CSMD2: variants seen among roughly 807,000 people sequenced by gnomAD.
CSMD2 encodes CUB and sushi domain-containing protein 2.
CSMD2 carries 130 observed loss-of-function variants against 398.5 expected under a neutral mutation model. That is an observed-to-expected ratio of 0.33 (90% CI 0.28 to 0.38). The LOEUF (loss-of-function observed/expected upper bound fraction) is 0.38, where lower values mean the gene tolerates loss of function less well. Among genes scored for constraint, CSMD2 ranks in the 10% least tolerant of loss-of-function variants. CSMD2 has a pLI of 1.00. For synonymous variants in CSMD2, 1,828 were observed against 1,908.5 expected, an observed-to-expected ratio of 0.96 and a Z score of 1.10; for missense variants, 3,829 against 4,764.9, an observed-to-expected ratio of 0.80 and a Z score of 5.78.
At chr1:33,744,590 A>T (rs1051146211) in intron 13 of CSMD2, among the ~76,000 whole-genome samples, 2 of 152,212 alleles carry the variant, frequency 1.3e-5, no homozygotes, top group African/African-American at 4.8e-5. Context: ...TGAGAAAACA[A>T]ATAAATACTA....
chr1:34,030,812 T>G (rs1025693549), intron 3 of CSMD2, among the ~76,000 whole-genome samples: 3 of 152,134 alleles, frequency 2.0e-5, no homozygotes, highest in African/African-American at 7.2e-5. Flanking sequence ...AGTTCCCCCA[T>G]GTGTCAGTCA....
chr1:33,628,067 C>G (rs763827998), intron 32 of CSMD2, among the ~76,000 whole-genome samples: 131 of 152,308 alleles, frequency 8.6e-4, no homozygotes, highest in Non-Finnish European at 1.4e-3. Flanking sequence ...AAACTCTCAG[C>G]AGATGTTCAG....
intron 25 of CSMD2, among the ~76,000 whole-genome samples, chr1:33,667,207 ATGAG>A (rs1293363809): frequency 1.1e-4 from 16 of 152,192 alleles, no homozygotes; most frequent in Non-Finnish European, 1.5e-5. Flanking sequence ...AACTGAATGA[ATGAG>A]TGAGTGAATC....
chr1:33,660,391 C>G (rs1571125975), intron 26 of CSMD2, among the ~76,000 whole-genome samples: 1 of 152,082 alleles, frequency 6.6e-6, no homozygotes, highest in African/African-American at 2.4e-5. Context: ...GCAAAGCACC[C>G]GGGGAAAGGC....
At chr1:33,680,688 T>C (rs770584585) in intron 25 of CSMD2, among the ~76,000 whole-genome samples, 14 of 152,020 alleles carry the variant, frequency 9.2e-5, no homozygotes, top group Non-Finnish European at 1.9e-4. Context: ...TCTCCCCCCA[T>C]TCTCTTTTCC....
chr1:33,884,543 C>T (rs1169718143), intron 5 of CSMD2: 1 of 152,302 alleles, frequency 6.6e-6, no homozygotes, highest in African/African-American at 2.4e-5. Context: ...CTCTCAGTCT[C>T]CACTAATACT....
intron 8 of CSMD2, 110 bp from the exon 9 acceptor site, chr1:33,819,947 C>T: frequency 7.3e-7 from 1 of 1,377,442 alleles, no homozygotes; most frequent in Admixed American, 2.1e-5. Flanking sequence ...CCTTCTGGCC[C>T]TTAATCTCTG....
At chr1:33,623,085 T>G (rs1402117179) in intron 36 of CSMD2, among the ~76,000 whole-genome samples, 1 of 152,148 alleles carries the variant, frequency 6.6e-6, no homozygotes, top group Non-Finnish European at 1.5e-5. Context: ...TCCAGAGAGA[T>G]AGAAAGTAGA....
chr1:33,711,814 G>A (rs559865895), intron 21 of CSMD2, among the ~76,000 whole-genome samples: 1 of 152,198 alleles, frequency 6.6e-6, no homozygotes, highest in Non-Finnish European at 1.5e-5. Flanking sequence ...CTTCCCACAC[G>A]CCTGATACCT....
At chr1:33,779,111 C>A (rs1652369381) in intron 12 of CSMD2, among the ~76,000 whole-genome samples, 1 of 152,118 alleles carries the variant, frequency 6.6e-6, no homozygotes, top group Non-Finnish European at 1.5e-5. Context: ...GATTACCATC[C>A]CCTGCTCATT....
chr1:33,819,964 T>A, intron 8 of CSMD2, 127 bp from the exon 9 acceptor site: 1 of 1,181,802 alleles, frequency 8.5e-7, no homozygotes, highest in Non-Finnish European at 1.2e-6. Context: ...TCTGCTCCAC[T>A]GTTTTATCAC....
chr1:33,836,281 G>A (rs1483830103), intron 6 of CSMD2, among the ~76,000 whole-genome samples: 16 of 152,218 alleles, frequency 1.1e-4, no homozygotes, highest in Admixed American at 1.0e-3. Flanking sequence ...CTACTGGGGG[G>A]TGCCTCCCAG....
chr1:33,537,316 G>A lies in CSMD2; in HGVS notation c.9805+120C>T, dbSNP rs1655891797. The stretch of plus-strand genomic sequence containing the variant: ...CCTGCTGCAGAAGCTCAGAGGATGA[G>A]ATGTTCCCTTTTGCAGATGAGACCA... On this transcript the variant is annotated intron_variant, in intron 61 of 70. Transcript: ENST00000373381. This position sits in a 1 kb window ranked among gnomAD's most constrained non-coding sequence, Gnocchi z 4.6. 3 of 1,203,274 alleles carry A rather than the reference G, an allele frequency of 2.5e-6. No individual in the cohort carries two copies. The highest frequency in any genetic ancestry group is 3.6e-6 in the Non-Finnish European group (3 of 841,778). The allele number at this position is 1,203,274 out of a possible 1,614,324, so 74.5% of individuals were successfully genotyped here.
chr1:33,705,496 T>A (rs1352603081), intron 22 of CSMD2, among the ~76,000 whole-genome samples: 1 of 152,144 alleles, frequency 6.6e-6, no homozygotes, highest in African/African-American at 2.4e-5. Context: ...TGGGAGATGG[T>A]TCTTTATTTT....
At chr1:34,156,915 C>G (rs1191171033) in intron 1 of CSMD2, among the ~76,000 whole-genome samples, 2 of 152,152 alleles carry the variant, frequency 1.3e-5, no homozygotes, top group Non-Finnish European at 2.9e-5. Context: ...AGGAGAGAGA[C>G]TCGCCCAGCA....
At chr1:33,958,997 G>A (rs963622247) in intron 3 of CSMD2, among the ~76,000 whole-genome samples, 8 of 152,112 alleles carry the variant, frequency 5.3e-5, no homozygotes, top group South Asian at 2.1e-4. Flanking sequence ...TATTTATCTC[G>A]ACTCCCTGCT....
chr1:33,901,485 T>C (rs1406560705), intron 5 of CSMD2, among the ~76,000 whole-genome samples: 2 of 152,224 alleles, frequency 1.3e-5, no homozygotes, highest in African/African-American at 4.8e-5. Context: ...CTCTGTATTC[T>C]AGAAAAGTTT....
intron 55 of CSMD2, among the ~76,000 whole-genome samples, 187 bp downstream of exon 55, chr1:33,557,547 T>TA (rs1557531856): frequency 6.6e-6 from 1 of 151,342 alleles, no homozygotes; most frequent in East Asian, 1.9e-4. Flanking sequence ...CAACAGAGGC[T>TA]CAAGAAGGAA....
intron 5 of CSMD2, among the ~76,000 whole-genome samples, chr1:33,886,961 ACT>A (rs1641637448): frequency 6.6e-6 from 1 of 151,738 alleles, no homozygotes; most frequent in Non-Finnish European, 1.5e-5. Flanking sequence ...AGAGGGGGAC[ACT>A]GAGACTCAGA....
Sources: gnomAD v4.1 joint callset for allele counts (sites outside exome capture counted in the v4.1 genomes callset) on GRCh38, gnomAD v4.1.1 for gene constraint, Gnocchi (gnomAD v3.1) non-coding constraint, MANE v1.5 for transcripts, NCBI Gene and HGNC (gene_info 2026-07-23, HGNC 2026-07-21) for gene names.